The following AGMO variants were observed in gnomAD, a reference collection of about 807,000 sequenced individuals.
AGMO encodes the protein alkylglycerol monooxygenase, also known as glyceryl-ether monooxygenase.
AGMO carries 75 observed loss-of-function variants against 60.2 expected under a neutral mutation model. The observed-to-expected ratio is 1.25, with a 90% CI of 1.03 to 1.51. AGMO has a LOEUF of 1.51. AGMO is among the 40% of genes most tolerant of loss of function. AGMO has a pLI of 0.00. For missense variants in AGMO, 763 were observed against 525.5 expected, an observed-to-expected ratio of 1.45 and a Z score of -4.42; for synonymous variants, 261 against 177.1, an observed-to-expected ratio of 1.47 and a Z score of -3.76.
In AGMO at chr7:15,354,381, CACGTGTGTGTAT is replaced by C. The variant is rs1295401995; in HGVS notation, c.1263+11121_1263+11132del. Among the ~76,000 whole-genome samples the C allele has an allele frequency of 7.9e-3, 113 of 14,356 alleles. 9 individuals are homozygous for C. The highest frequency in any genetic ancestry group is 8.8e-3 in the Admixed American group (15 of 1,706). 9.4% of individuals were successfully genotyped at this position (14,356 alleles called of 152,430 possible). A position where few individuals can be genotyped will look rare whatever the true frequency, so the allele number is the denominator to read the frequency against. ...ACGTGTGTATATAGACGTGTGTATACACGTGTGTGTATACACGTGTGTGTACACACGTGTGTG... is the reference window on the plus strand; with the variant it reads ...ACGTGTGTATATAGACGTGTGTATACACACGTGTGTGTACACACGTGTGTG... On this transcript the variant is annotated intron_variant, in intron 12 of 12. Transcript: ENST00000342526.
rs528100536 is a variant in AGMO at position 15,559,593 on chromosome 7, A to T, written c.257+548T>A. Among the ~76,000 whole-genome samples, 8 of 152,260 alleles carry T rather than the reference A, an allele frequency of 5.3e-5. No individual in the cohort carries two copies. The South Asian group carries it at 1.7e-3, about 31-fold the overall frequency. Reference sequence around the variant, plus strand: ...ACAGGAGAGTGGACGATCCAAAAGCAAAGCCAGAGAAACAATGTTCTCTAT... The same window carrying T: ...ACAGGAGAGTGGACGATCCAAAAGCTAAGCCAGAGAAACAATGTTCTCTAT... On this transcript the variant is annotated intron_variant, in intron 2 of 12. Coordinates refer to ENST00000342526, the MANE Select transcript of AGMO (RefSeq NM_001004320.2).
At position 15,385,543 on chromosome 7, in the gene AGMO, G is replaced by T. The variant is rs140207104; in HGVS notation, c.977C>A (p.Pro326His). ...EIPEVTGKEV[P>H]FSSSSSQLLK... ...TAGCTGAGATGAAGATGATGAGAAG[G>T]GAACTTCTTTGCCGGTGACCTAGGG... Residue 326 changes from proline (P) to histidine (H), a missense_variant, in exon 10 of 13, where the codon CCC becomes CAC. Transcript: ENST00000342526. 2 of 1,610,652 alleles carry T rather than the reference G, an allele frequency of 1.2e-6. No homozygotes were observed. The highest frequency in any genetic ancestry group is 1.7e-6 in the Non-Finnish European group (2 of 1,177,400).
rs995576041 is a variant in AGMO, at chr7:15,509,288, A to T, written c.409+35484T>A. Among the ~76,000 whole-genome samples, 4 of 152,090 alleles carry T rather than the reference A, an allele frequency of 2.6e-5. No individual in the cohort carries two copies. In the East Asian group the frequency reaches 7.7e-4, roughly 29 times the overall value. Reference sequence around the variant, plus strand: ...AAACCTAAGCATATATGGTTAACTAATTTTCAACAACACCAAAAATACACA... The same window carrying T: ...AAACCTAAGCATATATGGTTAACTATTTTTCAACAACACCAAAAATACACA... On this transcript the variant is annotated intron_variant, in intron 3 of 12. Transcript: ENST00000342526.
intron 10 of AGMO, among the ~76,000 whole-genome samples, chr7:15,372,262 C>A (rs148345976): frequency 0.024 from 3,682 of 152,042 alleles, 63 homozygotes; most frequent in Non-Finnish European, 0.038. Flanking sequence ...ACCAGTCTGG[C>A]CAACACGGTG....
chr7:15,352,971 T>C (rs181929477), intron 12 of AGMO, among the ~76,000 whole-genome samples: 14 of 152,212 alleles, frequency 9.2e-5, no homozygotes, highest in African/African-American at 2.6e-4. Context: ...TGTTACTGCA[T>C]GGGGAGTGTC....
At chr7:15,118,425 T>C in the AGMO span, among the ~76,000 whole-genome samples, 61 of 152,212 alleles carry the variant, frequency 4.0e-4, no homozygotes, top group African/African-American at 1.4e-3. Flanking sequence ...GAGCAATTTT[T>C]ACTTAGACAG....
the AGMO span, among the ~76,000 whole-genome samples, chr7:15,167,819 T>A: frequency 2.0e-4 from 31 of 152,310 alleles, no homozygotes; most frequent in South Asian, 2.1e-3. Context: ...GTTCTGGAAA[T>A]GAAAGTGTGA....
At chr7:15,417,910 T>G (rs962226578) in intron 5 of AGMO, among the ~76,000 whole-genome samples, 11 of 152,180 alleles carry the variant, frequency 7.2e-5, no homozygotes, top group African/African-American at 2.7e-4. Context: ...TTTCTAGGTC[T>G]GTGATTTTTG....
At chr7:15,433,534 A>G (rs1781316323) in intron 3 of AGMO, among the ~76,000 whole-genome samples, 1 of 152,118 alleles carries the variant, frequency 6.6e-6, no homozygotes. Flanking sequence ...CATTTTATGG[A>G]AAGTTATTCC....
chr7:15,223,943 C>G (rs777689048), intron 12 of AGMO, among the ~76,000 whole-genome samples: 2 of 151,958 alleles, frequency 1.3e-5, no homozygotes. Flanking sequence ...GTACTTGAAA[C>G]AAACTTGGCT....
At chr7:15,263,498 G>C (rs563050953) in intron 12 of AGMO, among the ~76,000 whole-genome samples, 1 of 152,150 alleles carries the variant, frequency 6.6e-6, no homozygotes, top group South Asian at 2.1e-4. Context: ...AACCACTCTG[G>C]AAAACAGTGT....
At chr7:15,487,503 C>T (rs1346756422) in intron 3 of AGMO, among the ~76,000 whole-genome samples, 2 of 152,046 alleles carry the variant, frequency 1.3e-5, no homozygotes, top group Non-Finnish European at 2.9e-5. Flanking sequence ...ATCAACTGGA[C>T]AGTGATTTGA....
chr7:15,547,340 C>T (rs146849589), intron 2 of AGMO, among the ~76,000 whole-genome samples: 20 of 152,096 alleles, frequency 1.3e-4, no homozygotes, highest in Non-Finnish European at 2.5e-4. Context: ...GGAACAGCTC[C>T]GGTCTACAGC....
At chr7:15,296,530 T>C (rs1303661268) in intron 12 of AGMO, among the ~76,000 whole-genome samples, 1 of 152,052 alleles carries the variant, frequency 6.6e-6, no homozygotes, top group African/African-American at 2.4e-5. Context: ...AGACAGCCAC[T>C]CTTTTCTCAC....
At chr7:15,166,304 T>C in the AGMO span, among the ~76,000 whole-genome samples, 1 of 152,076 alleles carries the variant, frequency 6.6e-6, no homozygotes, top group South Asian at 2.1e-4. Flanking sequence ...CCTGACACGT[T>C]AGGGAAGACC....
intron 3 of AGMO, among the ~76,000 whole-genome samples, chr7:15,490,710 A>C (rs1050461689): frequency 6.6e-6 from 1 of 152,202 alleles, no homozygotes; most frequent in African/African-American, 2.4e-5. Flanking sequence ...AGAGAGCATA[A>C]GGAATTTAAA....
At chr7:15,319,056 C>A (rs937411265) in intron 12 of AGMO, among the ~76,000 whole-genome samples, 1 of 151,972 alleles carries the variant, frequency 6.6e-6, no homozygotes, top group Non-Finnish European at 1.5e-5. Flanking sequence ...TTTCTTTTTT[C>A]CTCCTCCCGT....
At chr7:15,475,590 G>C (rs559618555) in intron 3 of AGMO, among the ~76,000 whole-genome samples, 9 of 152,070 alleles carry the variant, frequency 5.9e-5, no homozygotes, top group Admixed American at 5.2e-4. Context: ...TAATGTAGAT[G>C]ATGGGTTGAT....
chr7:15,353,097 G>T (rs941402430), intron 12 of AGMO, among the ~76,000 whole-genome samples: 2 of 152,090 alleles, frequency 1.3e-5, no homozygotes, highest in African/African-American at 4.8e-5. Flanking sequence ...TAAAAAGGTG[G>T]GAAGGGGGCA....
Sources: gnomAD v4.1 joint callset for allele counts (sites outside exome capture counted in the v4.1 genomes callset) on GRCh38, gnomAD v4.1.1 for gene constraint, MANE v1.5 for transcripts, NCBI Gene and HGNC (gene_info 2026-07-23, HGNC 2026-07-21) for gene names.